The following ZNF136 variants were observed in gnomAD, a reference collection of about 807,000 sequenced individuals.
ZNF136 encodes the protein zinc finger protein 136 (clone pHZ-20).
ZNF136 carries 8 observed loss-of-function variants against 11.4 expected under a neutral mutation model. That is an observed-to-expected ratio of 0.70 (90% CI 0.41 to 1.27). The LOEUF is 1.27. Ranked by LOEUF, ZNF136 falls within the 50% of genes most tolerant of loss-of-function variation. The pLI is 0.01. For synonymous variants in ZNF136, 190 were observed against 207.1 expected (o/e 0.92, Z 0.71); for missense variants, 590 against 656.5 (o/e 0.90, Z 1.11).
chr19:12,188,045 G>T lies in ZNF136; in HGVS notation c.*44G>T, dbSNP rs756890388. On this transcript the variant is annotated 3_prime_UTR_variant, in exon 4 of 4. Transcript: ENST00000343979. ...GATACATTAAAATACTCACTGAAGA[G>T]AAGCCCTATGAATGTAAGTAACGTG... The T allele has an allele frequency of 4.2e-6, 6 of 1,433,640 alleles. No homozygotes were observed. Among genetic ancestry groups the T allele is most frequent in the Non-Finnish European group, 5.5e-6 (6 of 1,086,222 alleles). The allele number at this position is 1,433,640 out of a possible 1,614,324, so 88.8% of individuals were successfully genotyped here.
intron 1 of ZNF136, among the ~76,000 whole-genome samples, chr19:12,170,083 C>T (rs935468862): frequency 6.7e-5 from 10 of 148,340 alleles, no homozygotes; most frequent in Admixed American, 5.5e-4. Flanking sequence ...CGTGAGCCAC[C>T]ACGCCCGGCC....
chr19:12,188,152 G>C lies in ZNF136; in HGVS notation c.*151G>C. 1 of 544,890 alleles carries C rather than the reference G, an allele frequency of 1.8e-6. No individual in the cohort carries two copies. 33.8% of individuals were successfully genotyped at this position (544,890 alleles called of 1,614,324 possible). A position where few individuals can be genotyped will look rare whatever the true frequency, so the allele number is the denominator to read the frequency against. ...AAGCCATATACATGTAAGTAACATG[G>C]GAAAGCTTTCAATCATTTTAGTTCC... On this transcript the variant is annotated 3_prime_UTR_variant, in exon 4 of 4. Transcript: ENST00000343979.
intron 1 of ZNF136, among the ~76,000 whole-genome samples, chr19:12,167,688 C>T (rs1034135089): frequency 1.3e-5 from 2 of 152,212 alleles, no homozygotes; most frequent in African/African-American, 4.8e-5. Context: ...GGAGAAACCC[C>T]ATCTCTACTA....
At chr19:12,186,515 T>C in intron 3 of ZNF136, 55 bp from the exon 4 acceptor site, 2 of 1,373,518 alleles carry the variant, frequency 1.5e-6, no homozygotes, top group Non-Finnish European at 2.0e-6. Context: ...GTTTAATAGC[T>C]ATTAATATAA....
rs1034651956 is a variant in ZNF136, at chr19:12,186,939, C to T, written c.561C>T (p.Ile187=). Residue 187 remains isoleucine, a synonymous_variant, in exon 4 of 4, where the codon ATC becomes ATT. Coordinates refer to ENST00000343979, the MANE Select transcript of ZNF136 (RefSeq NM_003437.5). The stretch of plus-strand genomic sequence containing the variant: ...CTCTCAAAAGAATTAGAAGACACAT[C>T]ATCACACACAGTGGATATACACCAT... The part of the protein sequence containing the change: ...FFSLKRIRRH[I]ITHSGYTPYK... 2 of 1,613,900 alleles carry T rather than the reference C, an allele frequency of 1.2e-6. No homozygotes were observed. Among genetic ancestry groups the T allele is most frequent in the East Asian group, 2.2e-5 (1 of 44,870 alleles).
chr19:12,168,063 T>TC (rs1403082111), intron 1 of ZNF136, among the ~76,000 whole-genome samples: 1 of 106,938 alleles, frequency 9.4e-6, no homozygotes, highest in Non-Finnish European at 2.0e-5. Flanking sequence ...TTTTCTTTTT[T>TC]TTTTTTTTTT....
intron 2 of ZNF136, 24 bp downstream of exon 2, chr19:12,185,935 C>G (rs1448779570): frequency 6.2e-7 from 1 of 1,610,512 alleles, no homozygotes; most frequent in Non-Finnish European, 8.5e-7. Context: ...ACTTCCATCA[C>G]TTAGCAATTA....
chr19:12,178,215 G>T lies in ZNF136; in HGVS notation c.4-7570G>T, dbSNP rs577900185. Among the ~76,000 whole-genome samples, 19 of 152,290 alleles carry T rather than the reference G, an allele frequency of 1.2e-4. No individual in the cohort carries two copies. In the South Asian group the frequency reaches 3.9e-3, roughly 32 times the overall value. The stretch of plus-strand genomic sequence containing the variant: ...TAACACCTTATCAGATATATGGTTT[G>T]CAAGTATTTTCTCCCACTCCGTGTG... On this transcript the variant is annotated intron_variant, in intron 1 of 3. Transcript: ENST00000343979.
chr19:12,174,857 CTTTT>C (rs538143217), intron 1 of ZNF136, among the ~76,000 whole-genome samples: 1 of 87,242 alleles, frequency 1.1e-5, no homozygotes, highest in Admixed American at 1.3e-4. Flanking sequence ...GGATGGCTTT[CTTTT>C]TTTTTTTTTT....
In ZNF136 at chr19:12,181,076, C is replaced by T. The variant is rs148164760; in HGVS notation, c.4-4709C>T. Among the ~76,000 whole-genome samples the T allele has an allele frequency of 6.5e-3, 990 of 152,320 alleles. 3 individuals carry two copies. Among genetic ancestry groups the T allele is most frequent in the Middle Eastern group, 0.037 (11 of 294 alleles). On this transcript the variant is annotated intron_variant, in intron 1 of 3. Transcript: ENST00000343979. ...ACGATCTTGTGGTGAATTTTCTTTT[C>T]TTGAGCTGGCTGCATTACCTTTCTT...
At chr19:12,170,996 C>T (rs1914640394) in intron 1 of ZNF136, among the ~76,000 whole-genome samples, 1 of 152,072 alleles carries the variant, frequency 6.6e-6, no homozygotes, top group African/African-American at 2.4e-5. Context: ...CCACCACGCC[C>T]GGCTAATTTT....
Position 12,177,615 on chromosome 19 carries a change from G to A in ZNF136, c.4-8170G>A, listed in dbSNP as rs370995132. ...ACCTGTCTTGGCCTCCCAAAATGCT[G>A]GGATTACAGGCATGAACCACCGCAC... On this transcript the variant is annotated intron_variant, in intron 1 of 3. Coordinates refer to ENST00000343979, the MANE Select transcript of ZNF136 (RefSeq NM_003437.5). Among the ~76,000 whole-genome samples the A allele has an allele frequency of 1.3e-3, 198 of 152,266 alleles. 1 individual carries two copies. The South Asian group carries it at 0.019, about 14-fold the overall frequency.
chr19:12,187,468 T>C lies in ZNF136; in HGVS notation c.1090T>C (p.Tyr364His), dbSNP rs1194997404. 6.2e-7 allele frequency: 1 copy of C among 1,613,874 alleles called. No homozygotes were observed. The highest frequency in any genetic ancestry group is 2.2e-5 in the East Asian group (1 of 44,822). The change falls in exon 4 of 4, where the codon TAT (tyrosine) becomes CAT (histidine). Residue 364 changes from tyrosine to histidine, a missense_variant. Tyr to His is a moderately conservative substitution (Grantham distance 83). Transcript: ENST00000343979. ...HERTHTGEKP[Y>H]ECKECGEAFS... ...AAGGACTCACACTGGAGAAAAACCTTATGAATGTAAGGAATGTGGGGAAGC... is the reference window on the plus strand; with the variant it reads ...AAGGACTCACACTGGAGAAAAACCTCATGAATGTAAGGAATGTGGGGAAGC...
intron 1 of ZNF136, among the ~76,000 whole-genome samples, chr19:12,183,859 C>T (rs569242347): frequency 6.6e-6 from 1 of 152,292 alleles, no homozygotes; most frequent in South Asian, 2.1e-4. Context: ...GCCTCAACCT[C>T]CCAATGTGAT....
intron 1 of ZNF136, among the ~76,000 whole-genome samples, chr19:12,183,551 C>CAA (rs1915000091): frequency 0.021 from 287 of 13,400 alleles, no homozygotes; most frequent in African/African-American, 0.081. Flanking sequence ...ATAACTGAAT[C>CAA]TATCTATCTA....
In ZNF136 at chr19:12,176,322, C is replaced by T. The variant is rs540471327; in HGVS notation, c.4-9463C>T. On this transcript the variant is annotated intron_variant, in intron 1 of 3. Transcript: ENST00000343979. ...CCTGTGTGTGTATGATCTCCTGATT[C>T]AATGAGTACTTTTTTTTTTTTGAGA... 3.3e-5 allele frequency among the ~76,000 whole-genome samples: 5 copies of T among 151,888 alleles called. No individual in the cohort carries two copies. In the East Asian group the frequency reaches 9.7e-4, roughly 29 times the overall value.
intron 1 of ZNF136, among the ~76,000 whole-genome samples, chr19:12,180,761 G>A (rs1481830329): frequency 1.3e-5 from 2 of 152,174 alleles, no homozygotes; most frequent in Non-Finnish European, 1.5e-5. Flanking sequence ...AAAGATATAG[G>A]TATGGCTTAT....
intron 1 of ZNF136, among the ~76,000 whole-genome samples, chr19:12,168,012 G>A (rs17001828): frequency 0.016 from 2,161 of 136,986 alleles, 49 homozygotes; most frequent in African/African-American, 0.055. Context: ...AAAAAATAAA[G>A]CCAGATACTG....
rs1437072355 is a variant in ZNF136, at chr19:12,186,746, A to G, written c.368A>G (p.Asp123Gly). 1.2e-6 allele frequency: 2 copies of G among 1,614,042 alleles called. No homozygotes were observed. Among genetic ancestry groups the G allele is most frequent in the African/African-American group, 2.7e-5 (2 of 74,934 alleles). Residue 123 changes from aspartate (D) to glycine (G), a missense_variant, in exon 4 of 4, where the codon GAT becomes GGT. Physicochemically the swap from Asp to Gly is moderately conservative, Grantham distance 94 (BLOSUM62 -1). Transcript: ENST00000343979. ...TCATCCCTTAATAGACACATCAAAG[A>G]TCACAGTGGACATGAACCAAAGGAA... Reference protein sequence around the residue: ...GQSSLNRHIKDHSGHEPKEYQ... With the variant: ...GQSSLNRHIKGHSGHEPKEYQ...
Sources: allele counts gnomAD v4.1 joint callset (sites outside exome capture counted in the v4.1 genomes callset), GRCh38; gene constraint gnomAD v4.1.1; transcripts MANE v1.5; gene names NCBI Gene and HGNC (gene_info 2026-07-23, HGNC 2026-07-21).